Variants in CCDC102B observed in about 807,000 individuals in gnomAD.
The protein encoded by CCDC102B is coiled-coil domain containing 102B.
In CCDC102B, 75 loss-of-function variants were observed where a neutral mutation model predicts 57.4. The observed-to-expected ratio is 1.31, with a 90% CI of 1.08 to 1.58. The LOEUF (loss-of-function observed/expected upper bound fraction) is 1.58, where lower values mean the gene tolerates loss of function less well. Among genes scored for constraint, CCDC102B ranks in the 40% most tolerant of loss-of-function variants. The pLI, the probability that CCDC102B is intolerant of heterozygous loss-of-function variation, is 0.00. For synonymous variants in CCDC102B, 206 were observed against 201.9 expected (o/e 1.02, Z -0.17); for missense variants, 636 against 582.6 (o/e 1.09, Z -0.94).
At chr18:68,861,157 C>T (rs958671793) in intron 4 of CCDC102B, among the ~76,000 whole-genome samples, 1 of 151,720 alleles carries the variant, frequency 6.6e-6, no homozygotes, top group African/African-American at 2.4e-5. Context: ...AATACATGCT[C>T]CAAGTAAAGG....
chr18:68,796,016 A>G (rs1485210597), upstream of CCDC102B, among the ~76,000 whole-genome samples: 1 of 152,182 alleles, frequency 6.6e-6, no homozygotes, highest in Non-Finnish European at 1.5e-5. Context: ...AGAAGCCAAG[A>G]AAAGCCAATG....
In CCDC102B at chr18:68,935,051, G is replaced by A. The variant is rs774960849; in HGVS notation, c.1263+37623G>A. On this transcript the variant is annotated intron_variant, in intron 6 of 7. Transcript: ENST00000360242. ...CTGTAGTGATGTGGGTGCATGCCCC[G>A]GCTTGCCACTAAATAGGATAATCAG... Among the ~76,000 whole-genome samples, 8 of 151,866 alleles carry A rather than the reference G, an allele frequency of 5.3e-5. No homozygotes were observed. In the East Asian group the frequency reaches 5.8e-4, roughly 11 times the overall value.
chr18:69,018,823 C>A (rs1160683815), intron 7 of CCDC102B, among the ~76,000 whole-genome samples: 1 of 151,814 alleles, frequency 6.6e-6, no homozygotes, highest in African/African-American at 2.4e-5. Context: ...GTATCATATT[C>A]AAAAATTTAT....
intron 6 of CCDC102B, among the ~76,000 whole-genome samples, chr18:68,965,429 A>G (rs1599763720): frequency 6.6e-6 from 1 of 151,126 alleles, no homozygotes; most frequent in East Asian, 1.9e-4. Flanking sequence ...CTTTATATTG[A>G]GACTTTCTAT....
chr18:68,793,388 G>A (rs548482441), upstream of CCDC102B, among the ~76,000 whole-genome samples: 4 of 152,130 alleles, frequency 2.6e-5, no homozygotes, highest in South Asian at 2.1e-4. Flanking sequence ...AAAGTTTGTC[G>A]ATGACAGGCA....
chr18:68,966,692 A>T lies in CCDC102B; in HGVS notation c.1264-44242A>T, dbSNP rs143589113. ...TTGTAGTGTGGTGTTGGGGGGCAGGAAGTAGAATATCCCCCAATATTCTGA... is the reference window on the plus strand; with the variant it reads ...TTGTAGTGTGGTGTTGGGGGGCAGGTAGTAGAATATCCCCCAATATTCTGA... On this transcript the variant is annotated intron_variant, in intron 6 of 7. Coordinates refer to ENST00000360242, the MANE Select transcript of CCDC102B (RefSeq NM_024781.3). 4.4e-4 allele frequency among the ~76,000 whole-genome samples: 67 copies of T among 152,194 alleles called. No homozygotes were observed. In the East Asian group the frequency reaches 0.013, roughly 29 times the overall value.
At chr18:68,898,484 A>G (rs1268338272) in intron 6 of CCDC102B, among the ~76,000 whole-genome samples, 1 of 152,124 alleles carries the variant, frequency 6.6e-6, no homozygotes, top group Non-Finnish European at 1.5e-5. Context: ...TAAACTATCC[A>G]TAATAATGTA....
At position 68,836,122 on chromosome 18, in the gene CCDC102B, A is replaced by G. The variant is rs558287481; in HGVS notation, c.-15-627A>G. 3.3e-5 allele frequency among the ~76,000 whole-genome samples: 5 copies of G among 152,320 alleles called. No homozygotes were observed. In the East Asian group the frequency reaches 9.6e-4, roughly 29 times the overall value. ...GTGGACAATAAATATTACAATTTGT[A>G]TTTCGTAGTGGACAATGTTACAATA... is the stretch of plus-strand genomic sequence containing the variant. On this transcript the variant is annotated intron_variant, in intron 1 of 7. Transcript: ENST00000360242.
upstream of CCDC102B, among the ~76,000 whole-genome samples, chr18:68,796,241 G>T (rs1488153635): frequency 6.6e-6 from 1 of 152,060 alleles, no homozygotes; most frequent in Admixed American, 6.6e-5. Context: ...AAAGAAGACT[G>T]GGCAAATTAT....
intron 6 of CCDC102B, among the ~76,000 whole-genome samples, chr18:68,913,673 C>CAAT (rs2040963945): frequency 1.3e-5 from 1 of 76,774 alleles, no homozygotes; most frequent in Non-Finnish European, 2.9e-5. Context: ...AAAAAAAAAG[C>CAAT]AAAAACAAAG....
At chr18:68,869,553 T>C (rs796586032) in intron 4 of CCDC102B, among the ~76,000 whole-genome samples, 66 of 152,296 alleles carry the variant, frequency 4.3e-4, no homozygotes, top group African/African-American at 1.6e-3. Context: ...GAGTGGAAGC[T>C]CCAAGACTGG....
chr18:68,983,753 A>G (rs55641403), intron 6 of CCDC102B, among the ~76,000 whole-genome samples: 2,535 of 152,134 alleles, frequency 0.017, 80 homozygotes, highest in African/African-American at 0.057. Context: ...GCTTTGATTA[A>G]ATTTATCTCA....
chr18:68,822,113 T>G (rs1599515618), intron 1 of CCDC102B, among the ~76,000 whole-genome samples: 1 of 152,250 alleles, frequency 6.6e-6, no homozygotes, highest in Middle Eastern at 3.4e-3. Context: ...GCTGAAATAT[T>G]GGCTGGGCAT....
rs1019977463 is a variant in CCDC102B at position 68,879,692 on chromosome 18, C to T, written c.1053+4907C>T. Among the ~76,000 whole-genome samples the T allele has an allele frequency of 5.3e-5, 8 of 151,840 alleles. No individual in the cohort carries two copies. In the South Asian group the frequency reaches 1.0e-3, roughly 20 times the overall value. On this transcript the variant is annotated intron_variant, in intron 5 of 7. Coordinates refer to ENST00000360242, the MANE Select transcript of CCDC102B (RefSeq NM_024781.3). ...AAACCTTGAGCTAGATACAGAGTGC[C>T]GATTGGTGTATTTACAATCCCTGAG...
chr18:68,813,759 T>C (rs8083161), intron 1 of CCDC102B, among the ~76,000 whole-genome samples: 2 of 149,410 alleles, frequency 1.3e-5, no homozygotes, highest in Non-Finnish European at 3.0e-5. Context: ...GATGAAGTCA[T>C]ATTAAAATAT....
rs556161881 is a variant in CCDC102B, at chr18:68,756,844, T to C, written c.-67+40250T>C. Among the ~76,000 whole-genome samples the C allele has an allele frequency of 3.3e-5, 5 of 152,234 alleles. No individual in the cohort carries two copies. The East Asian group carries it at 9.7e-4, about 29-fold the overall frequency. ...ACAGGCATGACCTGTTAATGCAGTA[T>C]TGCATAGCATATTGATGGTTTGGAA... On this transcript the variant is annotated intron_variant, in intron 2 of 3. Coordinates refer to the CCDC102B transcript ENST00000578970.
chr18:68,840,206 G>A (rs146231036), intron 3 of CCDC102B, among the ~76,000 whole-genome samples: 126 of 151,924 alleles, frequency 8.3e-4, no homozygotes, highest in African/African-American at 3.0e-3. Context: ...ATCTTAATAG[G>A]CAGAACCAGA....
chr18:68,928,165 T>C (rs1362875508), intron 6 of CCDC102B, among the ~76,000 whole-genome samples: 1 of 151,948 alleles, frequency 6.6e-6, no homozygotes, highest in Non-Finnish European at 1.5e-5. Context: ...TTAATCTCAA[T>C]ATTGGCTCAC....
intron 4 of CCDC102B, among the ~76,000 whole-genome samples, chr18:68,851,313 T>C (rs979415965): frequency 8.5e-5 from 13 of 152,174 alleles, no homozygotes; most frequent in African/African-American, 3.1e-4. Flanking sequence ...TGAAGTCTTA[T>C]CCATTATGAA....
Sources: allele counts gnomAD v4.1 joint callset (sites outside exome capture counted in the v4.1 genomes callset), GRCh38; gene constraint gnomAD v4.1.1; transcripts MANE v1.5; gene names NCBI Gene and HGNC (gene_info 2026-07-23, HGNC 2026-07-21).